SGCZ: variants seen among roughly 807,000 people sequenced by gnomAD.
SGCZ encodes the protein sarcoglycan zeta.
Under a neutral mutation model 41.3 loss-of-function variants are expected in SGCZ, and 40 were observed. The ratio of observed to expected loss-of-function variants is 0.97; its 90% CI spans 0.75 to 1.26. The LOEUF is 1.26. Ranked by LOEUF, SGCZ falls within the 50% of genes most tolerant of loss-of-function variation. The pLI is 0.00. For missense variants in SGCZ, 552 were observed against 369.8 expected (o/e 1.49, Z -4.04); for synonymous variants, 206 against 137.5 (o/e 1.50, Z -3.49).
intron 1 of SGCZ, among the ~76,000 whole-genome samples, chr8:15,213,941 T>G (rs1801317314): frequency 1.3e-5 from 2 of 152,034 alleles, no homozygotes; most frequent in Non-Finnish European, 2.9e-5. Context: ...ATACTTATTT[T>G]GGGGTTCAGC....
intron 1 of SGCZ, among the ~76,000 whole-genome samples, chr8:14,929,301 T>C (rs1307157812): frequency 6.6e-6 from 1 of 152,194 alleles, no homozygotes; most frequent in African/African-American, 2.4e-5. Flanking sequence ...AATGACTGCA[T>C]TTTTAAATGT....
chr8:14,779,221 G>C (rs1374516164), intron 1 of SGCZ, among the ~76,000 whole-genome samples: 2 of 152,070 alleles, frequency 1.3e-5, no homozygotes, highest in Non-Finnish European at 2.9e-5. Flanking sequence ...GATTATATCT[G>C]ACTTCCCAAA....
At chr8:15,059,800 T>C (rs1174727440) in intron 1 of SGCZ, among the ~76,000 whole-genome samples, 1 of 152,232 alleles carries the variant, frequency 6.6e-6, no homozygotes, top group Non-Finnish European at 1.5e-5. Context: ...TTCCCTCATA[T>C]AGCCCAAGAA....
intron 5 of SGCZ, among the ~76,000 whole-genome samples, chr8:14,146,235 C>T (rs1317345271): frequency 1.3e-5 from 2 of 152,184 alleles, no homozygotes; most frequent in Admixed American, 1.3e-4. Flanking sequence ...ACAGGTCTGG[C>T]AGCCAACTCT....
chr8:14,247,273 C>T (rs1170618778), intron 3 of SGCZ, among the ~76,000 whole-genome samples: 2 of 152,156 alleles, frequency 1.3e-5, no homozygotes, highest in Non-Finnish European at 2.9e-5. Context: ...GTCCTTCTGG[C>T]TCCTGTCCAC....
chr8:15,167,270 A>T (rs1179963968), intron 1 of SGCZ, among the ~76,000 whole-genome samples: 1 of 152,238 alleles, frequency 6.6e-6, no homozygotes, highest in Non-Finnish European at 1.5e-5. Flanking sequence ...CTTTGACTGG[A>T]TAGGTATGCT....
At chr8:15,008,140 A>G (rs907037194) in intron 1 of SGCZ, among the ~76,000 whole-genome samples, 5 of 152,080 alleles carry the variant, frequency 3.3e-5, no homozygotes, top group African/African-American at 1.2e-4. Context: ...ATATTATCCC[A>G]TTTTCTCTCT....
chr8:14,332,942 T>C (rs976478043), intron 2 of SGCZ, among the ~76,000 whole-genome samples: 1 of 150,002 alleles, frequency 6.7e-6, no homozygotes, highest in East Asian at 2.0e-4. Context: ...TACATATATG[T>C]GTATATATAT....
At chr8:14,349,530 A>G (rs1803012818) in intron 2 of SGCZ, among the ~76,000 whole-genome samples, 1 of 152,126 alleles carries the variant, frequency 6.6e-6, no homozygotes, top group Admixed American at 6.6e-5. Context: ...ATTTTTAAGA[A>G]GCATATGTGT....
rs370755197 is a variant in SGCZ, at chr8:14,178,037, G to A, written c.425-13335C>T. 5.2e-4 allele frequency among the ~76,000 whole-genome samples: 69 copies of A among 131,892 alleles called. 1 individual carries two copies. The South Asian group carries it at 0.014, about 28-fold the overall frequency. The allele number at this position is 131,892 out of a possible 152,430, so 86.5% of individuals were successfully genotyped here. The stretch of plus-strand genomic sequence containing the variant: ...CAGTGGCATGATCCCGGCTCACTGC[G>A]ACCTCTGCCTCCTGGGTTCAAGGGA... On this transcript the variant is annotated intron_variant, in intron 4 of 7. Coordinates refer to ENST00000382080, the MANE Select transcript of SGCZ (RefSeq NM_139167.4).
intron 3 of SGCZ, among the ~76,000 whole-genome samples, chr8:14,248,351 G>A (rs1563211197): frequency 6.6e-6 from 1 of 152,134 alleles, no homozygotes; most frequent in Non-Finnish European, 1.5e-5. Flanking sequence ...TCATGATGAT[G>A]GTGATGACGA....
intron 5 of SGCZ, among the ~76,000 whole-genome samples, chr8:14,159,938 CT>C (rs1803989961): frequency 6.6e-6 from 1 of 152,112 alleles, no homozygotes; most frequent in Non-Finnish European, 1.5e-5. Flanking sequence ...TCAGAAAGTC[CT>C]TTCTTCTGTT....
At chr8:15,136,915 A>T (rs1808129313) in intron 1 of SGCZ, among the ~76,000 whole-genome samples, 1 of 152,200 alleles carries the variant, frequency 6.6e-6, no homozygotes, top group Non-Finnish European at 1.5e-5. Context: ...GGAACTGGGT[A>T]CTAAAGGCAG....
At chr8:14,532,957 A>G (rs1803180057) in intron 2 of SGCZ, among the ~76,000 whole-genome samples, 1 of 151,894 alleles carries the variant, frequency 6.6e-6, no homozygotes, top group Non-Finnish European at 1.5e-5. Context: ...CAAGCAGACC[A>G]AATACATTTT....
At chr8:14,631,074 C>T (rs922278713) in intron 1 of SGCZ, among the ~76,000 whole-genome samples, 1 of 151,900 alleles carries the variant, frequency 6.6e-6, no homozygotes, top group African/African-American at 2.4e-5. Flanking sequence ...AAGGTGATTT[C>T]CATGCCCCAT....
chr8:14,765,761 G>A (rs987204917), intron 1 of SGCZ, among the ~76,000 whole-genome samples: 18 of 152,308 alleles, frequency 1.2e-4, no homozygotes, highest in African/African-American at 4.1e-4. Context: ...CCATGGTAAA[G>A]ATCACTCATC....
chr8:14,265,549 A>C (rs1799838834), intron 3 of SGCZ, among the ~76,000 whole-genome samples: 2 of 152,152 alleles, frequency 1.3e-5, no homozygotes, highest in South Asian at 4.1e-4. Flanking sequence ...AAACAGCTAC[A>C]AGAACAGATT....
intron 3 of SGCZ, among the ~76,000 whole-genome samples, chr8:14,248,879 G>T (rs1799193814): frequency 1.3e-5 from 2 of 151,788 alleles, no homozygotes; most frequent in Admixed American, 1.3e-4. Context: ...AGAAACAGAT[G>T]AGAAAAACCA....
At chr8:14,838,911 G>T (rs976925795) in intron 1 of SGCZ, among the ~76,000 whole-genome samples, 13 of 152,118 alleles carry the variant, frequency 8.5e-5, no homozygotes, top group African/African-American at 3.1e-4. Context: ...GTTAGAAGTA[G>T]GAGACTCAGA....
Sources: allele counts gnomAD v4.1 joint callset (sites outside exome capture counted in the v4.1 genomes callset), GRCh38; gene constraint gnomAD v4.1.1; transcripts MANE v1.5; gene names NCBI Gene and HGNC (gene_info 2026-07-23, HGNC 2026-07-21).